The following CDKN2B-AS1 variants were observed in gnomAD, a reference collection of about 807,000 sequenced individuals.
The protein encoded by CDKN2B-AS1 is CDKN2B and CDKN2A antisense cis and trans regulatory RNA 1, also known as CDKN2B antisense RNA 1 (non-protein coding).
intron 1 of CDKN2B-AS1, among the ~76,000 whole-genome samples, chr9:21,998,394 G>A (rs965767916): frequency 6.6e-6 from 1 of 152,190 alleles, no homozygotes; most frequent in Admixed American, 6.5e-5. Flanking sequence ...TGTTTTACAG[G>A]TGGAAAGAAT....
intron 1 of CDKN2B-AS1, among the ~76,000 whole-genome samples, chr9:22,002,235 T>G (rs1820950561): frequency 6.6e-6 from 1 of 152,080 alleles, no homozygotes; most frequent in South Asian, 2.1e-4. Flanking sequence ...CACTGTACTT[T>G]AGAAGATACT....
At chr9:22,053,709 C>T (rs1823445882) in intron 3 of CDKN2B-AS1, among the ~76,000 whole-genome samples, 2 of 152,122 alleles carry the variant, frequency 1.3e-5, no homozygotes, top group Admixed American at 1.3e-4. Flanking sequence ...TTCTTATTAA[C>T]ATAACTTCTA....
chr9:22,031,518 T>C (rs539045768), intron 1 of CDKN2B-AS1, among the ~76,000 whole-genome samples: 1 of 152,324 alleles, frequency 6.6e-6, no homozygotes, highest in East Asian at 1.9e-4. Context: ...ATCAACCCAG[T>C]GCTCTTACTG....
intron 4 of CDKN2B-AS1, among the ~76,000 whole-genome samples, chr9:22,091,436 T>A (rs202108952): frequency 1.3e-5 from 2 of 152,158 alleles, no homozygotes; most frequent in African/African-American, 4.8e-5. Flanking sequence ...CATTTTCATG[T>A]TATTGATTCT....
chr9:22,026,692 T>C (rs747433664), intron 1 of CDKN2B-AS1, among the ~76,000 whole-genome samples: 2 of 152,184 alleles, frequency 1.3e-5, no homozygotes, highest in Non-Finnish European at 2.9e-5. Context: ...TGGGGTATGT[T>C]TGGGGGTCTA....
intron 4 of CDKN2B-AS1, among the ~76,000 whole-genome samples, chr9:22,093,373 C>G (rs1251489200): frequency 2.5e-5 from 3 of 118,578 alleles, no homozygotes; most frequent in African/African-American, 3.4e-5. Context: ...CCTGGATATC[C>G]TTGTTAACTT....
intron 4 of CDKN2B-AS1, among the ~76,000 whole-genome samples, chr9:22,076,165 T>C (rs1020201905): frequency 9.2e-5 from 14 of 152,144 alleles, no homozygotes; most frequent in Non-Finnish European, 1.6e-4. Flanking sequence ...GCAATTCTCC[T>C]GTCTCAACCT....
rs151282156 is a variant in CDKN2B-AS1, at chr9:22,038,320, T to C, written n.30-8431T>C. 2.2e-3 allele frequency among the ~76,000 whole-genome samples: 336 copies of C among 152,066 alleles called. 1 individual carries two copies. Among genetic ancestry groups the C allele is most frequent in the African/African-American group, 7.7e-3 (319 of 41,546 alleles). On this transcript the variant is annotated intron_variant and non_coding_transcript_variant, in intron 1 of 4. Transcript: ENST00000650946. Reference sequence around the variant, plus strand: ...AAATTCAACTTTTCTCCAATTTCTTTAGTATAATTCATTAATTTATTTAAT... The same window carrying C: ...AAATTCAACTTTTCTCCAATTTCTTCAGTATAATTCATTAATTTATTTAAT...
chr9:22,080,357 C>T (rs1486200983), intron 4 of CDKN2B-AS1, among the ~76,000 whole-genome samples: 1 of 152,166 alleles, frequency 6.6e-6, no homozygotes, highest in Non-Finnish European at 1.5e-5. Flanking sequence ...TGATATTTTC[C>T]GTGTTCACTA....
intron 4 of CDKN2B-AS1, among the ~76,000 whole-genome samples, chr9:22,094,224 G>T (rs889639030): frequency 7.0e-6 from 1 of 143,478 alleles, no homozygotes; most frequent in Admixed American, 6.7e-5. Flanking sequence ...TGGGTAACCC[G>T]ACCTTTCTCT....
At chr9:22,052,083 C>G (rs1306169745) in intron 3 of CDKN2B-AS1, among the ~76,000 whole-genome samples, 1 of 152,144 alleles carries the variant, frequency 6.6e-6, no homozygotes, top group Non-Finnish European at 1.5e-5. Context: ...TCATTTCTGA[C>G]TTCCCTACAA....
intron 4 of CDKN2B-AS1, among the ~76,000 whole-genome samples, chr9:22,069,838 C>T (rs1262661364): frequency 6.6e-6 from 1 of 152,130 alleles, no homozygotes; most frequent in East Asian, 1.9e-4. Flanking sequence ...CTTGCTTCCC[C>T]AGTCTCTGGT....
chr9:22,053,316 C>A (rs1823431641), intron 3 of CDKN2B-AS1, among the ~76,000 whole-genome samples: 1 of 152,150 alleles, frequency 6.6e-6, no homozygotes, highest in South Asian at 2.1e-4. Context: ...ATCTAGGTTT[C>A]TAAGTTTCCA....
At chr9:21,998,915 C>G (rs994270853) in intron 1 of CDKN2B-AS1, among the ~76,000 whole-genome samples, 4 of 151,750 alleles carry the variant, frequency 2.6e-5, no homozygotes, top group Non-Finnish European at 1.5e-5. Flanking sequence ...TCATATATGT[C>G]AAAAGATTAA....
At chr9:22,028,650 G>A (rs1033064100) in intron 1 of CDKN2B-AS1, among the ~76,000 whole-genome samples, 1 of 152,010 alleles carries the variant, frequency 6.6e-6, no homozygotes, top group African/African-American at 2.4e-5. Flanking sequence ...AAATATGAAG[G>A]CAATTTTAAG....
At chr9:22,092,752 G>A (rs192008667) in intron 4 of CDKN2B-AS1, among the ~76,000 whole-genome samples, 22 of 152,006 alleles carry the variant, frequency 1.4e-4, no homozygotes, top group African/African-American at 5.1e-4. Context: ...TATCAATTTT[G>A]TTGATCTTTT....
chr9:22,018,608 G>A (rs542940001), intron 1 of CDKN2B-AS1, among the ~76,000 whole-genome samples: 8 of 152,280 alleles, frequency 5.3e-5, no homozygotes, highest in African/African-American at 1.4e-4. Flanking sequence ...CTGTGCACTC[G>A]GGCCACTGCC....
Position 22,006,310 on chromosome 9 carries a change from G to T in CDKN2B-AS1, n.29+11149G>T, listed in dbSNP as rs1489617960. On this transcript the variant is annotated intron_variant and non_coding_transcript_variant, in intron 1 of 4. Transcript: ENST00000650946. This position sits in a 1 kb window ranked among gnomAD's most constrained non-coding sequence, Gnocchi z 6.4. ...GGCAGGTATGGGAGATGCCGGCCGGGGCAAGGCAGGTGGAGCCATTTAAAG... is the reference window on the plus strand; with the variant it reads ...GGCAGGTATGGGAGATGCCGGCCGGTGCAAGGCAGGTGGAGCCATTTAAAG... 3.1e-6 allele frequency: 5 copies of T among 1,594,430 alleles called. No individual in the cohort carries two copies. The East Asian group carries it at 8.9e-5, about 28-fold the overall frequency.
At chr9:22,128,088 T>C in exon 5 of CDKN2B-AS1, among the ~76,000 whole-genome samples, 1 of 152,228 alleles carries the variant, frequency 6.6e-6, no homozygotes, top group Non-Finnish European at 1.5e-5. Context: ...TTCTGATACC[T>C]ATGCATTATA....
Sources: gnomAD v4.1 joint callset for allele counts (sites outside exome capture counted in the v4.1 genomes callset) on GRCh38, gnomAD v4.1.1 for gene constraint, Gnocchi (gnomAD v3.1) non-coding constraint, MANE v1.5 for transcripts, NCBI Gene and HGNC (gene_info 2026-07-23, HGNC 2026-07-21) for gene names.